The following FRMD4A variants were observed in gnomAD, a reference collection of about 807,000 sequenced individuals.
The protein encoded by FRMD4A is FERM domain containing 4A, also known as FERM domain-containing protein 4A.
A neutral mutation model predicts 129.1 loss-of-function variants in FRMD4A; 29 were observed. The ratio of observed to expected loss-of-function variants is 0.22; its 90% CI spans 0.17 to 0.31. The LOEUF is 0.31. Ranked by LOEUF, FRMD4A falls within the 10% of genes least tolerant of loss-of-function variation. The pLI is 1.00. For missense variants in FRMD4A, 1,272 were observed against 1,375.8 expected (o/e 0.92, Z 1.19); for synonymous variants, 634 against 571.6 (o/e 1.11, Z -1.56).
At chr10:13,864,212 T>A (rs1291738443) in intron 2 of FRMD4A, among the ~76,000 whole-genome samples, 1 of 151,634 alleles carries the variant, frequency 6.6e-6, no homozygotes. Context: ...GCCAGGCTGG[T>A]CTCGAACTCC....
At chr10:13,754,406 C>T (rs11258581) in intron 8 of FRMD4A, among the ~76,000 whole-genome samples, 2,755 of 152,272 alleles carry the variant, frequency 0.018, 89 homozygotes, top group African/African-American at 0.062. Flanking sequence ...CTTTCTGTAA[C>T]AATTTATAAC....
chr10:14,060,523 T>C (rs940956392), intron 2 of FRMD4A, among the ~76,000 whole-genome samples: 5 of 152,208 alleles, frequency 3.3e-5, no homozygotes, highest in Non-Finnish European at 5.9e-5. Flanking sequence ...CTTCGAAGCC[T>C]GCCCTCTTCA....
chr10:14,237,698 T>C (rs1284785608), intron 2 of FRMD4A, among the ~76,000 whole-genome samples: 1 of 152,192 alleles, frequency 6.6e-6, no homozygotes, highest in African/African-American at 2.4e-5. Context: ...CTGTTTATGC[T>C]ACACAGCTGT....
At chr10:14,080,296 T>C (rs1462966866) in intron 2 of FRMD4A, among the ~76,000 whole-genome samples, 2 of 152,146 alleles carry the variant, frequency 1.3e-5, no homozygotes, top group Non-Finnish European at 2.9e-5. Context: ...CTCTTCATTT[T>C]TGTGTTATGT....
chr10:14,247,493 G>T (rs908413960), intron 2 of FRMD4A, among the ~76,000 whole-genome samples: 2 of 151,890 alleles, frequency 1.3e-5, no homozygotes, highest in Non-Finnish European at 2.9e-5. Flanking sequence ...ATACAGATAG[G>T]CCTCTCTCTC....
At chr10:14,209,229 C>G (rs191723383) in intron 2 of FRMD4A, among the ~76,000 whole-genome samples, 411 of 152,184 alleles carry the variant, frequency 2.7e-3, no homozygotes, top group Admixed American at 3.7e-3. Flanking sequence ...ATAATTTTGT[C>G]AAGTTATTTG....
At chr10:13,847,895 A>C (rs2094076722) in intron 3 of FRMD4A, among the ~76,000 whole-genome samples, 1 of 152,234 alleles carries the variant, frequency 6.6e-6, no homozygotes, top group South Asian at 2.1e-4. Flanking sequence ...TGAATTAAGC[A>C]ATGTGCCCAA....
rs987533093 is a variant in FRMD4A at position 14,129,404 on chromosome 10, ATAT to A, written c.45+200651_45+200653del. Among the ~76,000 whole-genome samples the A allele has an allele frequency of 3.0e-4, 38 of 126,734 alleles. 1 individual carries two copies. Among genetic ancestry groups the A allele is most frequent in the African/African-American group, 6.4e-4 (17 of 26,500 alleles). The allele number at this position is 126,734 out of a possible 152,430, so 83.1% of individuals were successfully genotyped here. On this transcript the variant is annotated intron_variant, in intron 2 of 24. Transcript: ENST00000357447. ...TATATATATATATATATATATATAT[ATAT>A]AAAAAATATGAGCTGTAGAACATAC...
chr10:14,183,586 G>T (rs568223131), intron 2 of FRMD4A, among the ~76,000 whole-genome samples: 1 of 151,918 alleles, frequency 6.6e-6, no homozygotes, highest in African/African-American at 2.4e-5. Flanking sequence ...TCAACCTGAG[G>T]CACAAAGGAA....
chr10:14,198,637 T>C (rs924081777), intron 2 of FRMD4A, among the ~76,000 whole-genome samples: 5 of 152,232 alleles, frequency 3.3e-5, no homozygotes, highest in Non-Finnish European at 5.9e-5. Flanking sequence ...TTATCACAGA[T>C]ATGTTTTGTT....
At chr10:13,661,028 T>C (rs1473128865) in intron 19 of FRMD4A, among the ~76,000 whole-genome samples, 4 of 152,174 alleles carry the variant, frequency 2.6e-5, no homozygotes, top group Non-Finnish European at 4.4e-5. Context: ...TAACCATTGG[T>C]TGGAGAAGAA....
At chr10:14,162,630 G>GTTTTTTTTTTTTTTTTTT (rs556368229) in intron 2 of FRMD4A, among the ~76,000 whole-genome samples, 1 of 117,340 alleles carries the variant, frequency 8.5e-6, no homozygotes, top group African/African-American at 3.5e-5. Context: ...GAGTTTCTCT[G>GTTTTTTTTTTTTTTTTTT]TTTTTTTTTT....
intron 2 of FRMD4A, among the ~76,000 whole-genome samples, chr10:13,900,309 T>C (rs2094804960): frequency 6.6e-6 from 1 of 152,072 alleles, no homozygotes; most frequent in Non-Finnish European, 1.5e-5. Flanking sequence ...CCAAGTTTTA[T>C]AGTTTTGTTG....
At position 14,043,411 on chromosome 10, in the gene FRMD4A, A is replaced by T. The variant is rs76856588; in HGVS notation, c.46-184499T>A. On this transcript the variant is annotated intron_variant, in intron 2 of 24. Transcript: ENST00000357447. The stretch of plus-strand genomic sequence containing the variant: ...ATTAAATCACATGATTTATCCACAA[A>T]TTTTTTTTCCTTCCTTTACCAATTT... Among the ~76,000 whole-genome samples, 780 of 152,064 alleles carry T rather than the reference A, an allele frequency of 5.1e-3. 4 individuals carry two copies. Among genetic ancestry groups the T allele is most frequent in the African/African-American group, 0.017 (713 of 41,464 alleles).
rs1308452153 is a variant in FRMD4A at position 14,173,237 on chromosome 10, G to A, written c.45+156821C>T. 3.3e-5 allele frequency among the ~76,000 whole-genome samples: 5 copies of A among 152,114 alleles called. No individual in the cohort carries two copies. In the East Asian group the frequency reaches 9.6e-4, roughly 29 times the overall value. On this transcript the variant is annotated intron_variant, in intron 2 of 24. Transcript: ENST00000357447. ...TGAAAACTTTGGATCTATCCATTTA[G>A]AGTTATAGGTAAATATAGCAGATAT...
chr10:14,239,507 G>T (rs1192788261), intron 2 of FRMD4A, among the ~76,000 whole-genome samples: 1 of 152,124 alleles, frequency 6.6e-6, no homozygotes, highest in Admixed American at 6.6e-5. Flanking sequence ...GGCACCTGTA[G>T]TCCCAGCTAC....
At chr10:13,877,802 T>A (rs373545924) in intron 2 of FRMD4A, among the ~76,000 whole-genome samples, 31 of 152,322 alleles carry the variant, frequency 2.0e-4, no homozygotes, top group African/African-American at 7.2e-4. Context: ...GGCTGCCCCA[T>A]GAACCATCCC....
At position 14,330,622 on chromosome 10, in the gene FRMD4A, T is replaced by C; in HGVS notation, c.-107A>G. 3 of 399,692 alleles carry C rather than the reference T, an allele frequency of 7.5e-6. No homozygotes were observed. The highest frequency in any genetic ancestry group is 4.4e-6 in the Non-Finnish European group (1 of 227,222). The allele number at this position is 399,692 out of a possible 1,614,324, so 24.8% of individuals were successfully genotyped here. ...CGCTCGCAATCTGGTCAGTGTCTTC[T>C]TTGCTGCAGATAGGTGTGTCCCTTT... On this transcript the variant is annotated 5_prime_UTR_variant, in exon 1 of 25. Transcript: ENST00000357447.
rs527391189 is a variant in FRMD4A, at chr10:13,841,024, C to T, written c.111+17823G>A. On this transcript the variant is annotated intron_variant, in intron 3 of 24. Coordinates refer to ENST00000357447, the MANE Select transcript of FRMD4A (RefSeq NM_018027.5). ...TAGGGAGGCTGAGGTGGGAGGATGGCTTGAGCCCAGGAGGTTGAACCTGCA... is the reference window on the plus strand; with the variant it reads ...TAGGGAGGCTGAGGTGGGAGGATGGTTTGAGCCCAGGAGGTTGAACCTGCA... 8.5e-5 allele frequency among the ~76,000 whole-genome samples: 13 copies of T among 152,180 alleles called. No homozygotes were observed. The South Asian group carries it at 2.5e-3, about 29-fold the overall frequency.
Sources: allele counts gnomAD v4.1 joint callset (sites outside exome capture counted in the v4.1 genomes callset), GRCh38; gene constraint gnomAD v4.1.1; transcripts MANE v1.5; gene names NCBI Gene and HGNC (gene_info 2026-07-23, HGNC 2026-07-21).